PKIG: variants seen among roughly 807,000 people sequenced by gnomAD.
PKIG encodes the protein protein kinase (cAMP-dependent, catalytic) inhibitor gamma.
PKIG carries 1 observed loss-of-function variant against 6.8 expected under a neutral mutation model. The observed-to-expected ratio is 0.15, with a 90% CI of 0.05 to 0.69. The LOEUF is 0.69. PKIG is among the 30% of genes least tolerant of loss of function. The probability of loss-of-function intolerance (pLI) is 0.82; values close to 1 mark genes in which losing one functional copy is unlikely to be tolerated. For missense variants in PKIG, 77 were observed against 104.0 expected, an observed-to-expected ratio of 0.74 and a Z score of 1.13; for synonymous variants, 39 against 43.0, an observed-to-expected ratio of 0.91 and a Z score of 0.36.
intron 1 of PKIG, among the ~76,000 whole-genome samples, chr20:44,569,522 T>C (rs989064502): frequency 6.6e-6 from 1 of 152,252 alleles, no homozygotes; most frequent in Non-Finnish European, 1.5e-5. Flanking sequence ...TGCTTTTTTG[T>C]AATTGTGGTG....
At chr20:44,579,108 A>G (rs564276354), upstream of PKIG, among the ~76,000 whole-genome samples, 14 of 152,378 alleles carry the variant, frequency 9.2e-5, no homozygotes, top group South Asian at 2.3e-3. Flanking sequence ...TTTAATAAGT[A>G]TCTCATAATA....
At position 44,576,267 on chromosome 20, in the gene PKIG, A is replaced by G. The variant is rs181698230; in HGVS notation, c.-240-6318A>G. Among the ~76,000 whole-genome samples the G allele has an allele frequency of 2.6e-5, 4 of 152,012 alleles. No homozygotes were observed. In the East Asian group the frequency reaches 7.7e-4, roughly 29 times the overall value. ...TCTTCTAGGCACTTGGGATAGATGTATTCAGTGAACCAAGGAGACATACTG... is the reference window on the plus strand; with the variant it reads ...TCTTCTAGGCACTTGGGATAGATGTGTTCAGTGAACCAAGGAGACATACTG... On this transcript the variant is annotated intron_variant, in intron 1 of 4. Transcript: ENST00000372887.
chr20:44,548,825 G>A (rs1445182177), intron 1 of PKIG, among the ~76,000 whole-genome samples: 1 of 145,054 alleles, frequency 6.9e-6, no homozygotes, highest in Admixed American at 7.1e-5. Context: ...TTCTAATTAT[G>A]TAGGACATTC....
chr20:44,580,294 G>A (rs113685595), upstream of PKIG, among the ~76,000 whole-genome samples: 2 of 152,214 alleles, frequency 1.3e-5, no homozygotes, highest in African/African-American at 4.8e-5. Context: ...GCTGTGAACG[G>A]CTGCTCTCTG....
At chr20:44,543,833 C>T (rs980551215) in intron 1 of PKIG, among the ~76,000 whole-genome samples, 3 of 152,032 alleles carry the variant, frequency 2.0e-5, no homozygotes, top group Admixed American at 6.6e-5. Flanking sequence ...GAAGCCGAGG[C>T]GGGTGGATCA....
chr20:44,574,711 C>A (rs1482412416), intron 1 of PKIG, among the ~76,000 whole-genome samples: 1 of 151,772 alleles, frequency 6.6e-6, no homozygotes, highest in Non-Finnish European at 1.5e-5. Context: ...GCAGGTGGGA[C>A]TACAGGCACA....
At chr20:44,561,768 A>G (rs2064769452) in intron 1 of PKIG, among the ~76,000 whole-genome samples, 1 of 152,196 alleles carries the variant, frequency 6.6e-6, no homozygotes, top group Admixed American at 6.5e-5. Context: ...CAGCTTTAAT[A>G]TACATTTAAT....
At chr20:44,551,205 C>T (rs1241851839) in intron 1 of PKIG, among the ~76,000 whole-genome samples, 3 of 152,194 alleles carry the variant, frequency 2.0e-5, no homozygotes, top group Admixed American at 6.5e-5. Context: ...AGGCACACGC[C>T]GCCACGCCTG....
chr20:44,554,093 A>G (rs1416213939), intron 1 of PKIG, among the ~76,000 whole-genome samples: 1 of 151,712 alleles, frequency 6.6e-6, no homozygotes, highest in Non-Finnish European at 1.5e-5. Flanking sequence ...TTTTTTTGAG[A>G]CAGAATCTTG....
At chr20:44,543,116 T>C (rs1186404448) in intron 1 of PKIG, among the ~76,000 whole-genome samples, 2 of 152,216 alleles carry the variant, frequency 1.3e-5, no homozygotes, top group East Asian at 3.8e-4. Context: ...TTCTACTTAC[T>C]GCACAATATA....
intron 2 of PKIG, among the ~76,000 whole-genome samples, chr20:44,603,309 C>T (rs1261206135): frequency 6.6e-6 from 1 of 152,160 alleles, no homozygotes; most frequent in Non-Finnish European, 1.5e-5. Flanking sequence ...TTATTAATTG[C>T]ATTCCACTTA....
intron 1 of PKIG, among the ~76,000 whole-genome samples, chr20:44,547,414 A>G (rs139940317): frequency 8.3e-4 from 126 of 152,304 alleles, no homozygotes; most frequent in African/African-American, 2.5e-3. Context: ...TGACATCAGG[A>G]TGCTGATTTT....
intron 1 of PKIG, among the ~76,000 whole-genome samples, chr20:44,564,933 G>A (rs1306964499): frequency 6.6e-6 from 1 of 152,158 alleles, no homozygotes; most frequent in Admixed American, 6.5e-5. Flanking sequence ...CTTAGTCTAA[G>A]ATAAGTCCTT....
chr20:44,611,113 G>A (rs2065214817), intron 2 of PKIG, among the ~76,000 whole-genome samples: 1 of 147,948 alleles, frequency 6.8e-6, no homozygotes. Context: ...GGAGTGCAGT[G>A]GCGTGATCTC....
chr20:44,566,713 G>C (rs1428332595), intron 1 of PKIG, among the ~76,000 whole-genome samples: 1 of 152,118 alleles, frequency 6.6e-6, no homozygotes, highest in Non-Finnish European at 1.5e-5. Context: ...GGATGTGGTG[G>C]TGCACACTTG....
chr20:44,593,653 A>T (rs1386806939), intron 2 of PKIG, among the ~76,000 whole-genome samples: 1 of 152,248 alleles, frequency 6.6e-6, no homozygotes, highest in Non-Finnish European at 1.5e-5. Context: ...ACTTGCAGTT[A>T]TAAGATGAAT....
chr20:44,546,032 G>T (rs1239450607), intron 1 of PKIG, among the ~76,000 whole-genome samples: 1 of 152,136 alleles, frequency 6.6e-6, no homozygotes, highest in East Asian at 1.9e-4. Flanking sequence ...TGGATTACTT[G>T]AGTCCAGGAG....
intron 1 of PKIG, among the ~76,000 whole-genome samples, chr20:44,557,165 T>G: frequency 6.6e-6 from 1 of 152,200 alleles, no homozygotes. Context: ...CTTTGTACTA[T>G]TTTTCAGCCT....
chr20:44,593,754 T>C (rs891916416), intron 2 of PKIG, among the ~76,000 whole-genome samples: 2 of 152,180 alleles, frequency 1.3e-5, no homozygotes, highest in African/African-American at 2.4e-5. Flanking sequence ...AGATCTTAAG[T>C]ATTCTCGTCA....
Sources: allele counts gnomAD v4.1 joint callset (sites outside exome capture counted in the v4.1 genomes callset), GRCh38; gene constraint gnomAD v4.1.1; transcripts MANE v1.5; gene names NCBI Gene and HGNC (gene_info 2026-07-23, HGNC 2026-07-21).